HECW1: variants seen among roughly 807,000 people sequenced by gnomAD.
The protein encoded by HECW1 is E3 ubiquitin-protein ligase HECW1.
A neutral mutation model predicts 182.3 loss-of-function variants in HECW1; 61 were observed. The ratio of observed to expected loss-of-function variants is 0.33; its 90% CI spans 0.27 to 0.41. The LOEUF (loss-of-function observed/expected upper bound fraction) is 0.41, where lower values mean the gene tolerates loss of function less well. Among genes scored for constraint, HECW1 ranks in the 10% least tolerant of loss-of-function variants. The probability of loss-of-function intolerance (pLI) is 1.00; values close to 1 mark genes in which losing one functional copy is unlikely to be tolerated. For missense variants in HECW1, 1,739 were observed against 2,108.9 expected, an observed-to-expected ratio of 0.82 and a Z score of 3.44; for synonymous variants, 859 against 832.6, an observed-to-expected ratio of 1.03 and a Z score of -0.55.
intron 2 of HECW1, among the ~76,000 whole-genome samples, chr7:43,156,732 C>G (rs1789920191): frequency 6.6e-6 from 1 of 152,096 alleles, no homozygotes; most frequent in African/African-American, 2.4e-5. Context: ...CCCTGTTCAC[C>G]TTAGGCGTGG....
intron 3 of HECW1, among the ~76,000 whole-genome samples, chr7:43,271,102 T>C (rs1407457126): frequency 6.6e-6 from 1 of 152,206 alleles, no homozygotes; most frequent in African/African-American, 2.4e-5. Context: ...TTGATGTACA[T>C]GTGTTGTATG....
At chr7:43,518,751 C>A (rs1392583125) in intron 24 of HECW1, among the ~76,000 whole-genome samples, 2 of 151,900 alleles carry the variant, frequency 1.3e-5, no homozygotes, top group Non-Finnish European at 2.9e-5. Context: ...GATTGATAAA[C>A]CCATTAAAAA....
chr7:43,538,304 C>T (rs1300053202), intron 24 of HECW1, among the ~76,000 whole-genome samples: 3 of 152,132 alleles, frequency 2.0e-5, no homozygotes, highest in Non-Finnish European at 4.4e-5. Context: ...GTTCCTGAGG[C>T]CCAACTGCAT....
chr7:43,252,839 G>C (rs1049155124), intron 3 of HECW1, among the ~76,000 whole-genome samples: 2 of 152,220 alleles, frequency 1.3e-5, no homozygotes, highest in African/African-American at 4.8e-5. Flanking sequence ...AGTAGATGTA[G>C]AATGTGGAAA....
At chr7:43,557,839 G>T (rs986523967) in intron 29 of HECW1, among the ~76,000 whole-genome samples, 2 of 152,138 alleles carry the variant, frequency 1.3e-5, no homozygotes, top group Admixed American at 6.5e-5. Context: ...CCTCAAAACA[G>T]CACTTTACCC....
intron 2 of HECW1, among the ~76,000 whole-genome samples, chr7:43,198,203 C>T (rs768928528): frequency 1.3e-5 from 2 of 150,066 alleles, no homozygotes; most frequent in Non-Finnish European, 3.0e-5. Flanking sequence ...CACATTCACA[C>T]GCTCACCCTA....
At chr7:43,402,361 C>T (rs1024796424) in intron 7 of HECW1, among the ~76,000 whole-genome samples, 2 of 152,174 alleles carry the variant, frequency 1.3e-5, no homozygotes, top group South Asian at 2.1e-4. Context: ...TGCACCTGCC[C>T]GTCTGCATGC....
chr7:43,274,507 A>C, intron 3 of HECW1: 1 of 599,472 alleles, frequency 1.7e-6, no homozygotes, highest in Non-Finnish European at 3.1e-6. Flanking sequence ...CCAGATCATG[A>C]AGGTGGAGGA....
intron 8 of HECW1, among the ~76,000 whole-genome samples, chr7:43,408,576 C>G (rs2075689084): frequency 6.6e-6 from 1 of 151,586 alleles, no homozygotes; most frequent in Non-Finnish European, 1.5e-5. Flanking sequence ...GTCCCAGCTA[C>G]TGGAGAGGCT....
chr7:43,417,014 G>A (rs1413704417), intron 8 of HECW1, among the ~76,000 whole-genome samples: 2 of 152,204 alleles, frequency 1.3e-5, no homozygotes, highest in African/African-American at 4.8e-5. Flanking sequence ...GGGAGCTGTA[G>A]ACCGGAGCTG....
intron 8 of HECW1, among the ~76,000 whole-genome samples, chr7:43,424,929 T>C (rs2076308177): frequency 6.6e-6 from 1 of 152,198 alleles, no homozygotes; most frequent in Admixed American, 6.5e-5. Context: ...ATTTAAATTA[T>C]TAACGCATCC....
chr7:43,157,032 A>G (rs1012918189), intron 2 of HECW1, among the ~76,000 whole-genome samples: 3 of 152,230 alleles, frequency 2.0e-5, no homozygotes, highest in African/African-American at 7.2e-5. Context: ...TGACTGACAC[A>G]TGTTCATTCG....
chr7:43,237,930 C>T (rs1156678256), intron 2 of HECW1, among the ~76,000 whole-genome samples: 3 of 151,982 alleles, frequency 2.0e-5, no homozygotes, highest in Non-Finnish European at 4.4e-5. Flanking sequence ...ATACTGAAGC[C>T]GATGGGAGAG....
chr7:43,126,825 C>A (rs1475075773), intron 2 of HECW1, among the ~76,000 whole-genome samples: 3 of 152,120 alleles, frequency 2.0e-5, no homozygotes, highest in African/African-American at 7.2e-5. Flanking sequence ...TTTGATGTTA[C>A]TAATGTAATT....
chr7:43,114,986 A>T (rs1386094500), intron 2 of HECW1, among the ~76,000 whole-genome samples: 1 of 152,198 alleles, frequency 6.6e-6, no homozygotes, highest in East Asian at 1.9e-4. Context: ...ATCTGATATG[A>T]TTGTTAACAA....
chr7:43,466,541 G>T lies in HECW1; in HGVS notation c.2886G>T (p.Glu962Asp), dbSNP rs753215407. 6.2e-7 allele frequency: 1 copy of T among 1,613,936 alleles called. No homozygotes were observed. Among genetic ancestry groups the T allele is most frequent in the East Asian group, 2.2e-5 (1 of 44,890 alleles). The change falls in exon 15 of 30, where the codon GAG (glutamate) becomes GAT (aspartate). Residue 962 changes from glutamate to aspartate, a missense_variant. Physicochemically the swap from Glu to Asp is conservative, Grantham distance 45. Around this residue, in one of 5 missense-constraint regions of HECW1, gnomAD observed 971 missense variants for 1,029.1 expected, o/e 0.94. Coordinates refer to ENST00000395891, the MANE Select transcript of HECW1 (RefSeq NM_015052.5). ...CGGTCAAGTTCATCACCAACCCCGA[G>T]TTCTTCACTGTGCTACATGCCAATT... ...SPAVKFITNP[E>D]FFTVLHANYS...
rs186588922 is a variant in HECW1, at chr7:43,429,081, C to T, written c.802-8922C>T. Among the ~76,000 whole-genome samples, 413 of 149,712 alleles carry T rather than the reference C, an allele frequency of 2.8e-3. 2 individuals are homozygous for T. The highest frequency in any genetic ancestry group is 4.2e-3 in the Non-Finnish European group (285 of 67,576). ...CATATTTAAATACATACACAGAGAC[C>T]TTGCTTCCCATTCTACCAAACCACA... On this transcript the variant is annotated intron_variant, in intron 8 of 29. Coordinates refer to ENST00000395891, the MANE Select transcript of HECW1 (RefSeq NM_015052.5).
At chr7:43,114,459 A>G in intron 2 of HECW1, 68 bp downstream of exon 2, 11 of 1,265,008 alleles carry the variant, frequency 8.7e-6, no homozygotes, top group Non-Finnish European at 1.1e-5. Flanking sequence ...ATTAGAGTCC[A>G]CATGCCCACC....
chr7:43,132,175 CCCCA>C (rs1456649520), intron 2 of HECW1, among the ~76,000 whole-genome samples: 2 of 151,716 alleles, frequency 1.3e-5, no homozygotes, highest in African/African-American at 4.9e-5. Flanking sequence ...CGCCCCCCCG[CCCCA>C]AGTAAGGTTT....
Sources: gnomAD v4.1 joint callset for allele counts (sites outside exome capture counted in the v4.1 genomes callset) on GRCh38, gnomAD v4.1.1 for gene constraint, gnomAD v4.1.1 regional missense constraint, MANE v1.5 for transcripts, NCBI Gene and HGNC (gene_info 2026-07-23, HGNC 2026-07-21) for gene names.